The following MRRF variants were observed in gnomAD, a reference collection of about 807,000 sequenced individuals.
MRRF encodes the protein mitochondrial ribosome recycling factor.
Under a neutral mutation model 25.1 loss-of-function variants are expected in MRRF, and 18 were observed. The observed-to-expected ratio is 0.72, with a 90% CI of 0.50 to 1.06. The LOEUF is 1.06. MRRF is among the 50% of genes least tolerant of loss of function. The pLI is 0.00. For synonymous variants in MRRF, 113 were observed against 112.1 expected, an observed-to-expected ratio of 1.01 and a Z score of -0.05; for missense variants, 323 against 319.3, an observed-to-expected ratio of 1.01 and a Z score of -0.09.
intron 6 of MRRF, among the ~76,000 whole-genome samples, chr9:122,320,214 TA>T (rs1835806665): frequency 6.6e-6 from 1 of 152,106 alleles, no homozygotes; most frequent in Non-Finnish European, 1.5e-5. Flanking sequence ...GAAGTGATAG[TA>T]AAAGTTATAG....
chr9:122,267,924 A>C (rs1017388295), intron 1 of MRRF, among the ~76,000 whole-genome samples: 1 of 152,216 alleles, frequency 6.6e-6, no homozygotes, highest in Non-Finnish European at 1.5e-5. Context: ...TGACCTCCCC[A>C]AGGTCACACA....
intron 6 of MRRF, among the ~76,000 whole-genome samples, chr9:122,313,967 A>C (rs1174961129): frequency 2.0e-5 from 3 of 152,228 alleles, no homozygotes; most frequent in Non-Finnish European, 4.4e-5. Flanking sequence ...GTTTGAACGT[A>C]GGATAAGACT....
rs1168209519 is a variant in MRRF at position 122,324,909 on chromosome 9, T to A, written c.*2292T>A. ...CCAGCCCTAAGTGGTCATCACATGA[T>A]CAGAAGTCAGCTGGGGGAAGAGCAG... On this transcript the variant is annotated 3_prime_UTR_variant, in exon 7 of 7. Coordinates refer to ENST00000344641, the MANE Select transcript of MRRF (RefSeq NM_138777.5). The A allele has an allele frequency of 2.0e-5, 3 of 152,190 alleles. No homozygotes were observed. Among genetic ancestry groups the A allele is most frequent in the Non-Finnish European group, 4.4e-5 (3 of 68,046 alleles). 9.4% of individuals were successfully genotyped at this position (152,190 alleles called of 1,614,324 possible).
At chr9:122,310,809 ACT>A (rs1835158850) in intron 5 of MRRF, among the ~76,000 whole-genome samples, 2 of 152,110 alleles carry the variant, frequency 1.3e-5, no homozygotes, top group South Asian at 4.1e-4. Flanking sequence ...TGGAATACAA[ACT>A]CTAGTGCATA....
In MRRF at chr9:122,325,345, T is replaced by G. The variant is rs1032476302; in HGVS notation, c.*2728T>G. ...ATGGCTTTCAGATGATTACTCAATT[T>G]CAGTTGACATTTATCAAAGAGTTTC... is the stretch of plus-strand genomic sequence containing the variant. On this transcript the variant is annotated 3_prime_UTR_variant, in exon 7 of 7. Coordinates refer to ENST00000344641, the MANE Select transcript of MRRF (RefSeq NM_138777.5). 6.6e-6 allele frequency: 1 copy of G among 152,208 alleles called. No homozygotes were observed. The highest frequency in any genetic ancestry group is 1.5e-5 in the Non-Finnish European group (1 of 68,044). 9.4% of individuals were successfully genotyped at this position (152,208 alleles called of 1,614,324 possible).
Position 122,280,564 on chromosome 9 carries a change from T to A in MRRF, c.306T>A (p.Asn102Lys). Residue 102 changes from asparagine (N) to lysine (K), a missense_variant, in exon 3 of 7, where the codon AAT (asparagine) becomes AAA (lysine). Transcript: ENST00000344641. ...CTGTGATAGAAGCTCTCAAGGATAA[T>A]TTCAATAAGACTCTCAATATAAGGA... ...MKSVIEALKD[N>K]FNKTLNIRTS... is the part of the protein sequence containing the mutation. 6.2e-7 allele frequency: 1 copy of A among 1,614,036 alleles called. No individual in the cohort carries two copies. The highest frequency in any genetic ancestry group is 8.5e-7 in the Non-Finnish European group (1 of 1,179,926).
intron 2 of MRRF, among the ~76,000 whole-genome samples, chr9:122,274,364 A>G (rs1832645265): frequency 6.6e-6 from 1 of 152,194 alleles, no homozygotes; most frequent in Non-Finnish European, 1.5e-5. Flanking sequence ...TTTATAAAGG[A>G]AAAAGATTTA....
At chr9:122,313,794 G>A (rs1379084943) in intron 6 of MRRF, among the ~76,000 whole-genome samples, 1 of 152,172 alleles carries the variant, frequency 6.6e-6, no homozygotes, top group Non-Finnish European at 1.5e-5. Context: ...TGGTTTTCCG[G>A]TTGCTGAGAA....
intron 5 of MRRF, 89 bp downstream of exon 5, chr9:122,291,929 C>T: frequency 1.1e-6 from 1 of 880,656 alleles, no homozygotes; most frequent in Non-Finnish European, 2.0e-6. Context: ...TACCGTTAGG[C>T]CAATAACATA....
chr9:122,321,301 T>C (rs762077760), intron 6 of MRRF, among the ~76,000 whole-genome samples: 4 of 152,182 alleles, frequency 2.6e-5, no homozygotes, highest in Non-Finnish European at 1.5e-5. Flanking sequence ...TTCCATGATA[T>C]GTACTGGAAT....
At chr9:122,270,719 A>T (rs984139256) in intron 1 of MRRF, 145 bp from the exon 2 acceptor site, 11 of 668,006 alleles carry the variant, frequency 1.6e-5, no homozygotes, top group Non-Finnish European at 2.7e-5. Context: ...CTGTTGGGAA[A>T]AGGATTAGAG....
chr9:122,317,069 T>A (rs1478113040), intron 6 of MRRF, among the ~76,000 whole-genome samples: 2 of 137,224 alleles, frequency 1.5e-5, no homozygotes, highest in Non-Finnish European at 3.0e-5. Context: ...TTGCAGTGAA[T>A]ATATATATAT....
In MRRF at chr9:122,302,480, C is replaced by T. The variant is rs2416859; in HGVS notation, c.551+10640C>T. Among the ~76,000 whole-genome samples, 3,442 of 152,232 alleles carry T rather than the reference C, an allele frequency of 0.023. 257 individuals are homozygous for T. In the East Asian group the frequency reaches 0.23, roughly 10 times the overall value. On this transcript the variant is annotated intron_variant, in intron 5 of 6. Coordinates refer to ENST00000344641, the MANE Select transcript of MRRF (RefSeq NM_138777.5). ...ATATGTGGTCTTTTGTGACTGGCTTCTTTCTATTTGCATAATGTTTTCAAG... is the reference window on the plus strand; with the variant it reads ...ATATGTGGTCTTTTGTGACTGGCTTTTTTCTATTTGCATAATGTTTTCAAG...
At chr9:122,295,551 T>C (rs906231855) in intron 5 of MRRF, among the ~76,000 whole-genome samples, 1 of 151,556 alleles carries the variant, frequency 6.6e-6, no homozygotes, top group African/African-American at 2.4e-5. Context: ...GTTCAAGCAA[T>C]TCTCCTGCCT....
chr9:122,304,748 TA>T (rs1166455992), intron 5 of MRRF, among the ~76,000 whole-genome samples: 1 of 152,176 alleles, frequency 6.6e-6, no homozygotes, highest in African/African-American at 2.4e-5. Context: ...AAGCCGGTCT[TA>T]ATGTGAGAGT....
In MRRF at chr9:122,322,788, C is replaced by T. The variant is rs1835967713; in HGVS notation, c.*171C>T. The T allele has an allele frequency of 1.4e-6, 1 of 698,536 alleles. No homozygotes were observed. The highest frequency in any genetic ancestry group is 1.6e-5 in the South Asian group (1 of 63,512). 43.3% of individuals were successfully genotyped at this position (698,536 alleles called of 1,614,324 possible). A position where few individuals can be genotyped will look rare whatever the true frequency, so the allele number is the denominator to read the frequency against. On this transcript the variant is annotated 3_prime_UTR_variant, in exon 7 of 7. Transcript: ENST00000344641. ...AGGGGAACACTCAGACATGTTCATTCTCTTCCTGCTTCTGCTCTGGGCCGG... is the reference window on the plus strand; with the variant it reads ...AGGGGAACACTCAGACATGTTCATTTTCTTCCTGCTTCTGCTCTGGGCCGG...
rs757068851 is a variant in MRRF at position 122,323,200 on chromosome 9, C to T, written c.*583C>T. On this transcript the variant is annotated 3_prime_UTR_variant, in exon 7 of 7. Transcript: ENST00000344641. ...TGCTGTTTTCTCTGCCTGGCTCTCT[C>T]TTCCCCTCCTTACCTGGCCAGTCCT... The T allele has an allele frequency of 2.5e-5, 4 of 162,648 alleles. No homozygotes were observed. Among genetic ancestry groups the T allele is most frequent in the African/African-American group, 4.8e-5 (2 of 41,584 alleles). The allele number at this position is 162,648 out of a possible 1,614,324, so 10.1% of individuals were successfully genotyped here. A position where few individuals can be genotyped will look rare whatever the true frequency, so the allele number is the denominator to read the frequency against.
chr9:122,288,430 T>A (rs775667350), intron 4 of MRRF, among the ~76,000 whole-genome samples: 1 of 152,236 alleles, frequency 6.6e-6, no homozygotes, highest in Non-Finnish European at 1.5e-5. Flanking sequence ...ATGAGGAAAC[T>A]GAGACTCAAA....
intron 1 of MRRF, among the ~76,000 whole-genome samples, chr9:122,269,335 A>AGATGCTCAGAAAAGAAGAGT (rs1564467752): frequency 1.3e-5 from 2 of 152,176 alleles, no homozygotes; most frequent in Non-Finnish European, 2.9e-5. Context: ...TAAATTGCCT[A>AGATGCTCAGAAAAGAAGAGT]AAGTTGAAAT....
Sources: gnomAD v4.1 joint callset for allele counts (sites outside exome capture counted in the v4.1 genomes callset) on GRCh38, gnomAD v4.1.1 for gene constraint, MANE v1.5 for transcripts, NCBI Gene and HGNC (gene_info 2026-07-23, HGNC 2026-07-21) for gene names.